Variants in TSBP1 observed in about 807,000 individuals in gnomAD.
The protein encoded by TSBP1 is testis-expressed basic protein 1.
TSBP1 carries 56 observed loss-of-function variants against 68.8 expected under a neutral mutation model. The observed-to-expected ratio is 0.81, with a 90% CI of 0.66 to 1.02. The LOEUF (loss-of-function observed/expected upper bound fraction) is 1.02. TSBP1 is among the 50% of genes least tolerant of loss of function. The probability of loss-of-function intolerance (pLI) is 0.00; values close to 1 mark genes in which losing one functional copy is unlikely to be tolerated. For synonymous variants in TSBP1, 171 were observed against 208.7 expected (o/e 0.82, Z 1.56); for missense variants, 502 against 641.2 (o/e 0.78, Z 2.34).
In TSBP1 at chr6:32,364,099, A is replaced by G. The variant is rs186531683; in HGVS notation, c.217+2068T>C. ...AGAAAATGTCTGCATAGAAGTGCTA[A>G]TATCCTTTTGATGTACCTTTAAATG... On this transcript the variant is annotated intron_variant, in intron 6 of 22. Coordinates refer to ENST00000612031, the Ensembl canonical transcript of TSBP1. 3.3e-5 allele frequency among the ~76,000 whole-genome samples: 5 copies of G among 152,308 alleles called. No homozygotes were observed. The East Asian group carries it at 9.6e-4, about 29-fold the overall frequency.
intron 21 of TSBP1, 48 bp downstream of exon 24, chr6:32,300,632 G>T (rs750371749): frequency 4.0e-5 from 64 of 1,582,204 alleles, no homozygotes; most frequent in Non-Finnish European, 5.3e-5. Flanking sequence ...AGAACTTAAA[G>T]GTCCTAGGCA....
exon 4 of TSBP1, chr6:32,367,951 C>G: frequency 6.2e-7 from 1 of 1,611,038 alleles, no homozygotes; most frequent in Non-Finnish European, 8.5e-7. Flanking sequence ...GTCCAGAAGT[C>G]TAGCACCTAG....
intron 8 of TSBP1, among the ~76,000 whole-genome samples, chr6:32,354,443 T>A (rs1772049425): frequency 6.6e-6 from 1 of 152,054 alleles, no homozygotes; most frequent in Non-Finnish European, 1.5e-5. Flanking sequence ...TGCAGAGAAA[T>A]TGGAAATATT....
chr6:32,363,000 T>C (rs1251540818), intron 6 of TSBP1, among the ~76,000 whole-genome samples: 1 of 152,210 alleles, frequency 6.6e-6, no homozygotes, highest in Non-Finnish European at 1.5e-5. Flanking sequence ...GGTTATTATA[T>C]TGCTGTTTCT....
At chr6:32,308,426 G>A (rs9268184) in intron 19 of TSBP1, among the ~76,000 whole-genome samples, 31,378 of 149,850 alleles carry the variant, frequency 0.21, 3,455 homozygotes, top group East Asian at 0.22. Context: ...GTGAAACCCC[G>A]TCTCTACTAA....
chr6:32,351,788 A>G (rs1170645726), intron 8 of TSBP1, among the ~76,000 whole-genome samples: 1 of 152,086 alleles, frequency 6.6e-6, no homozygotes, highest in East Asian at 1.9e-4. Context: ...CACTTCATTT[A>G]TCCTGCTCAG....
intron 22 of TSBP1, 126 bp from the exon 26 acceptor site, chr6:32,294,161 A>C: frequency 8.7e-6 from 9 of 1,036,400 alleles, no homozygotes; most frequent in Non-Finnish European, 1.2e-5. Context: ...TCTGAATCTC[A>C]AGTTATCTAA....
chr6:32,359,881 T>G (rs1312870775), intron 6 of TSBP1, among the ~76,000 whole-genome samples: 1 of 152,118 alleles, frequency 6.6e-6, no homozygotes, highest in East Asian at 1.9e-4. Context: ...TCAGATTATT[T>G]TTTTCTTTTC....
Position 32,321,864 on chromosome 6 carries a change from C to T in TSBP1, c.559+1253G>A, listed in dbSNP as rs1244578980. ...TTTAAAACTTGGAAAATTTTACCTA[C>T]TATCTGGATTAAGTGAGATGCTTTG... On this transcript the variant is annotated intron_variant, in intron 18 of 22. Coordinates refer to ENST00000612031, the Ensembl canonical transcript of TSBP1. This position sits in a 1 kb window ranked among gnomAD's most constrained non-coding sequence, Gnocchi z 4.3. 6.6e-6 allele frequency among the ~76,000 whole-genome samples: 1 copy of T among 152,170 alleles called. No individual in the cohort carries two copies. The highest frequency in any genetic ancestry group is 1.9e-4 in the East Asian group (1 of 5,196).
At chr6:32,299,853 AACAG>A (rs1235112106) in intron 22 of TSBP1, 65 bp downstream of exon 25, 4 of 1,312,816 alleles carry the variant, frequency 3.0e-6, no homozygotes, top group Non-Finnish European at 4.4e-6. Flanking sequence ...TGGGAGTAGA[AACAG>A]ACAGGTCACA....
intron 6 of TSBP1, among the ~76,000 whole-genome samples, chr6:32,364,415 G>GT (rs9279602): frequency 0.016 from 2,203 of 135,808 alleles, 34 homozygotes; most frequent in Non-Finnish European, 0.026. Context: ...TTTCTTTGTG[G>GT]TTTTTTTTTT....
intron 9 of TSBP1, among the ~76,000 whole-genome samples, chr6:32,345,359 C>T (rs4959094): frequency 0.34 from 50,859 of 151,578 alleles, 9,544 homozygotes; most frequent in Middle Eastern, 0.52. Context: ...TAATAAAAAT[C>T]CACATCAGTC....
rs1769258229 is a variant in TSBP1 at position 32,333,184 on chromosome 6, T to C, written c.473-1130A>G. 6.6e-6 allele frequency among the ~76,000 whole-genome samples: 1 copy of C among 151,818 alleles called. No individual in the cohort carries two copies. The highest frequency in any genetic ancestry group is 2.1e-4 in the South Asian group (1 of 4,810). Reference sequence around the variant, plus strand: ...ACACCACACCCAGCTAATTTTTGTATTTTTTTAAGTAGAGATGGGGTTTCA... The same window carrying C: ...ACACCACACCCAGCTAATTTTTGTACTTTTTTAAGTAGAGATGGGGTTTCA... On this transcript the variant is annotated intron_variant, in intron 14 of 22. Coordinates refer to ENST00000612031, the Ensembl canonical transcript of TSBP1. The surrounding 1 kb of genome is among the most constrained non-coding windows in gnomAD (Gnocchi z 4.2).
rs1315316225 is a variant in TSBP1 at position 32,335,552 on chromosome 6, G to A, written c.452-95C>T. 18 of 967,742 alleles carry A rather than the reference G, an allele frequency of 1.9e-5. No homozygotes were observed. The highest frequency in any genetic ancestry group is 2.5e-5 in the Non-Finnish European group (18 of 733,596). 59.9% of individuals were successfully genotyped at this position (967,742 alleles called of 1,614,324 possible). ...TTAATTTGTATACTTTCCCTAGTAGGAATCTGCATCACTATTGTCAAGTTC... is the reference window on the plus strand; with the variant it reads ...TTAATTTGTATACTTTCCCTAGTAGAAATCTGCATCACTATTGTCAAGTTC... On this transcript the variant is annotated intron_variant, in intron 13 of 22. Coordinates refer to ENST00000612031, the Ensembl canonical transcript of TSBP1. The surrounding 1 kb of genome is among the most constrained non-coding windows in gnomAD (Gnocchi z 5.5).
chr6:32,342,169 C>CT (rs9281744), intron 9 of TSBP1, among the ~76,000 whole-genome samples: 12,715 of 138,794 alleles, frequency 0.092, 814 homozygotes, highest in African/African-American at 0.16. Context: ...CTTCTCTGTT[C>CT]TTTTTTTTTT....
chr6:32,366,563 A>C, intron 4 of TSBP1: 2 of 441,142 alleles, frequency 4.5e-6, no homozygotes, highest in South Asian at 2.2e-5. Flanking sequence ...GGAGATCGAG[A>C]CCATCCTGGC....
intron 19 of TSBP1, among the ~76,000 whole-genome samples, chr6:32,305,282 C>T (rs1765686366): frequency 6.6e-6 from 1 of 152,104 alleles, no homozygotes; most frequent in Non-Finnish European, 1.5e-5. Flanking sequence ...TAGCAGGAGA[C>T]AAGATAAGGG....
chr6:32,324,748 A>G (rs1407775634), intron 16 of TSBP1: 9 of 1,543,648 alleles, frequency 5.8e-6, no homozygotes, highest in Non-Finnish European at 7.9e-6. Context: ...TTTTTTTTCT[A>G]TTGGTAAATT....
chr6:32,351,049 A>C (rs1363707741), intron 8 of TSBP1, among the ~76,000 whole-genome samples: 1 of 152,210 alleles, frequency 6.6e-6, no homozygotes, highest in East Asian at 1.9e-4. Flanking sequence ...AACCTATGGA[A>C]CTGATAGATA....
Sources: allele counts gnomAD v4.1 joint callset (sites outside exome capture counted in the v4.1 genomes callset), GRCh38; gene constraint gnomAD v4.1.1; non-coding constraint Gnocchi (gnomAD v3.1); transcripts MANE v1.5; gene names NCBI Gene and HGNC (gene_info 2026-07-23, HGNC 2026-07-21).